The following RFT1 variants were observed in gnomAD, a reference collection of about 807,000 sequenced individuals.
RFT1 encodes the protein RFT1 glycolipid translocator homolog, also known as man(5)GlcNAc(2)-PP-dolichol translocation protein RFT1.
A neutral mutation model predicts 62.2 loss-of-function variants in RFT1; 43 were observed. The observed-to-expected ratio is 0.69, with a 90% CI of 0.54 to 0.89. The LOEUF (loss-of-function observed/expected upper bound fraction) is 0.89. RFT1 is among the 40% of genes least tolerant of loss of function. The pLI, the probability that RFT1 is intolerant of heterozygous loss-of-function variation, is 0.00. For missense variants in RFT1, 605 were observed against 649.9 expected, an observed-to-expected ratio of 0.93 and a Z score of 0.75; for synonymous variants, 262 against 264.6, an observed-to-expected ratio of 0.99 and a Z score of 0.10.
At chr3:53,128,370 A>G (rs1702170574) in intron 1 of RFT1, among the ~76,000 whole-genome samples, 1 of 152,240 alleles carries the variant, frequency 6.6e-6, no homozygotes. Flanking sequence ...AAGAAACTTA[A>G]TGTTCCAGGC....
chr3:53,125,896 C>A lies in RFT1; in HGVS notation c.149+13G>T. On this transcript the variant is annotated intron_variant, in intron 2 of 12. Transcript: ENST00000296292. ...GGTGAACTCTGACAGTGCCAGGGTG[C>A]ATCTCCTCCTACCTTACATTTACTA... 6.2e-7 allele frequency: 1 copy of A among 1,603,426 alleles called. No homozygotes were observed.
the RFT1 span, among the ~76,000 whole-genome samples, chr3:53,073,576 G>A: frequency 6.6e-6 from 1 of 152,196 alleles, no homozygotes; most frequent in African/African-American, 2.4e-5. Flanking sequence ...CCCCCTCTGC[G>A]CCTCTCTTCC....
rs1489769898 is a variant in RFT1, at chr3:53,122,560, G to A, written c.270C>T (p.Val90=). 2 of 1,574,608 alleles carry A rather than the reference G, an allele frequency of 1.3e-6. No individual in the cohort carries two copies. Among genetic ancestry groups the A allele is most frequent in the East Asian group, 2.3e-5 (1 of 44,294 alleles). ...ATAAGGACCAAAACACACCCAGGGGGACTCTAGAAGAGGAGAAAAAAATAA... is the reference window on the plus strand; with the variant it reads ...ATAAGGACCAAAACACACCCAGGGGAACTCTAGAAGAGGAGAAAAAAATAA... ...SQTLNLLWLT[V]PLGVFWSLFL... is the part of the protein sequence containing the mutation. The change falls in exon 4 of 13, where the codon GTC becomes GTT. Residue 90 remains valine (V), a synonymous_variant. Coordinates refer to ENST00000296292, the MANE Select transcript of RFT1 (RefSeq NM_052859.4).
chr3:53,097,483 T>C (rs939545858), intron 11 of RFT1, among the ~76,000 whole-genome samples: 1 of 152,260 alleles, frequency 6.6e-6, no homozygotes, highest in Non-Finnish European at 1.5e-5. Context: ...ATGAAAATAA[T>C]TTTCCACATG....
At chr3:53,087,974 TC>T (rs1700895507), downstream of RFT1, among the ~76,000 whole-genome samples, 1 of 152,186 alleles carries the variant, frequency 6.6e-6, no homozygotes, top group Non-Finnish European at 1.5e-5. Context: ...GAAATAACAG[TC>T]TTTGAACTAG....
At position 53,092,019 on chromosome 3, in the gene RFT1, C is replaced by G; in HGVS notation, c.1510G>C (p.Val504Leu). ...GWPARLAHIA[V>L]GAFCLGATLG... is the part of the protein sequence containing the mutation. ...GTTGCTCCCAGACAGAAGGCCCCCA[C>G]AGCAATGTGTGCCAGTCTGGCTGGC... is the stretch of plus-strand genomic sequence containing the variant. The change falls in exon 13 of 13, where the codon GTG becomes CTG. Residue 504 changes from valine to leucine, a missense_variant. Transcript: ENST00000296292. The G allele has an allele frequency of 6.2e-7, 1 of 1,614,276 alleles. No homozygotes were observed. Among genetic ancestry groups the G allele is most frequent in the Non-Finnish European group, 8.5e-7 (1 of 1,180,054 alleles).
intron 11 of RFT1, among the ~76,000 whole-genome samples, chr3:53,098,208 G>A (rs1041603327): frequency 6.6e-6 from 1 of 152,236 alleles, no homozygotes; most frequent in African/African-American, 2.4e-5. Flanking sequence ...GCCTAGAGCT[G>A]TGTAATAAAC....
At chr3:53,073,155 G>A in the RFT1 span, among the ~76,000 whole-genome samples, 1 of 152,210 alleles carries the variant, frequency 6.6e-6, no homozygotes, top group Non-Finnish European at 1.5e-5. Context: ...GCACCTGTGG[G>A]CAATGATTGA....
At chr3:53,103,794 G>T in intron 10 of RFT1, 159 bp downstream of exon 10, 2 of 869,870 alleles carry the variant, frequency 2.3e-6, no homozygotes, top group South Asian at 2.9e-5. Context: ...GTGTGTGTCT[G>T]GAGTTGAACG....
At chr3:53,072,465 G>C in the RFT1 span, among the ~76,000 whole-genome samples, 1 of 152,134 alleles carries the variant, frequency 6.6e-6, no homozygotes, top group African/African-American at 2.4e-5. Flanking sequence ...TCGTAGGTGC[G>C]GTCAGGTGAG....
intron 8 of RFT1, among the ~76,000 whole-genome samples, chr3:53,106,406 T>C (rs780101633): frequency 2.0e-5 from 3 of 151,722 alleles, no homozygotes; most frequent in Non-Finnish European, 4.4e-5. Context: ...TACTTTCTTA[T>C]ACAGGTCATT....
At chr3:53,106,160 G>C (rs1701466775) in intron 8 of RFT1, among the ~76,000 whole-genome samples, 2 of 152,134 alleles carry the variant, frequency 1.3e-5, no homozygotes, top group Admixed American at 1.3e-4. Context: ...CCAAGCCCAG[G>C]AGGTTGAGGC....
chr3:53,096,946 T>C (rs1701159982), intron 11 of RFT1, among the ~76,000 whole-genome samples: 1 of 152,056 alleles, frequency 6.6e-6, no homozygotes, highest in East Asian at 1.9e-4. Flanking sequence ...GGTTTCACCA[T>C]GTTGGCCAGG....
chr3:53,103,300 G>A, intron 10 of RFT1: 1 of 984,814 alleles, frequency 1.0e-6, no homozygotes. Flanking sequence ...CTAAACCCAA[G>A]ATGAAGCACT....
chr3:53,103,330 A>G, intron 10 of RFT1: 1 of 948,966 alleles, frequency 1.1e-6, no homozygotes, highest in Non-Finnish European at 1.3e-6. Context: ...CTGCCAGCTT[A>G]CAGCCCAGCA....
At chr3:53,070,296 T>A in the RFT1 span, among the ~76,000 whole-genome samples, 9 of 150,074 alleles carry the variant, frequency 6.0e-5, no homozygotes, top group African/African-American at 2.2e-4. Context: ...ACGCCTGTAA[T>A]CCCAGCACTT....
In RFT1 at chr3:53,092,430, T is replaced by C. The variant is rs1214845240; in HGVS notation, c.1397A>G (p.His466Arg). ...RSPHRPLAGL[H>R]LSPVLLGTFA... ...TGTCCCGAGCAGGACTGGCGATAGG[T>C]GCAGGCCAGCCAGGGGCCTGTGGGG... is the stretch of plus-strand genomic sequence containing the variant. The change falls in exon 12 of 13, where the codon CAC (histidine) becomes CGC (arginine). Residue 466 changes from histidine to arginine, a missense_variant. His to Arg is a conservative substitution (Grantham distance 29, BLOSUM62 0). Transcript: ENST00000296292. The C allele has an allele frequency of 1.9e-6, 3 of 1,610,488 alleles. No individual in the cohort carries two copies. Among genetic ancestry groups the C allele is most frequent in the Non-Finnish European group, 2.5e-6 (3 of 1,178,694 alleles).
Position 53,120,026 on chromosome 3 carries a change from GA to G in RFT1, c.559-6del, listed in dbSNP as rs1277722803. The G allele has an allele frequency of 7.6e-6, 12 of 1,581,636 alleles. No homozygotes were observed. The highest frequency in any genetic ancestry group is 6.9e-5 in the African/African-American group (5 of 72,686). On this transcript the variant is annotated splice_region_variant and splice_polypyrimidine_tract_variant and intron_variant, in intron 5 of 12. Transcript: ENST00000296292. The stretch of plus-strand genomic sequence containing the variant: ...CAGAACTGTGGTATAGAAAAGCTGA[GA>G]AAAAAAATAAACTGTTTTAATAAAG...
chr3:53,100,837 T>C (rs1701289692), intron 10 of RFT1, among the ~76,000 whole-genome samples: 1 of 152,206 alleles, frequency 6.6e-6, no homozygotes, highest in Non-Finnish European at 1.5e-5. Flanking sequence ...AGATATTCTA[T>C]GTCTGAATCT....
Sources: allele counts gnomAD v4.1 joint callset (sites outside exome capture counted in the v4.1 genomes callset), GRCh38; gene constraint gnomAD v4.1.1; transcripts MANE v1.5; gene names NCBI Gene and HGNC (gene_info 2026-07-23, HGNC 2026-07-21).